Variants in KATNA1 observed in about 807,000 individuals in gnomAD.
KATNA1 encodes katanin p60 ATPase-containing subunit A1.
Under a neutral mutation model 62.6 loss-of-function variants are expected in KATNA1, and 42 were observed. The ratio of observed to expected loss-of-function variants is 0.67; its 90% CI spans 0.52 to 0.87. The LOEUF (loss-of-function observed/expected upper bound fraction) is 0.87. Ranked by LOEUF, KATNA1 falls within the 40% of genes least tolerant of loss-of-function variation. KATNA1 has a pLI of 0.00. For missense variants in KATNA1, 498 were observed against 612.5 expected, an observed-to-expected ratio of 0.81 and a Z score of 1.97; for synonymous variants, 186 against 201.9, an observed-to-expected ratio of 0.92 and a Z score of 0.67.
rs147521330 is a variant in KATNA1, at chr6:149,647,322, G to A, written c.-14+1147C>T. Reference sequence around the variant, plus strand: ...GCGGATCACAATGTCTGGAAATCGAGACCAGCCTGGCCAACATGGTGAAAC... The same window carrying A: ...GCGGATCACAATGTCTGGAAATCGAAACCAGCCTGGCCAACATGGTGAAAC... On this transcript the variant is annotated intron_variant, in intron 1 of 10. Transcript: ENST00000367411. 7.1e-3 allele frequency among the ~76,000 whole-genome samples: 1,082 copies of A among 151,788 alleles called. 12 individuals carry two copies. The highest frequency in any genetic ancestry group is 0.024 in the African/African-American group (995 of 41,448).
In KATNA1 at chr6:149,623,338, C is replaced by T. The variant is rs186877308; in HGVS notation, c.321-55G>A. On this transcript the variant is annotated intron_variant, in intron 3 of 10. Coordinates refer to ENST00000367411, the MANE Select transcript of KATNA1 (RefSeq NM_007044.4). ...AATCAACTCCACATATGGATGAACA[C>T]ACATACTGTGTAAGTTAAGAGTCTA... is the stretch of plus-strand genomic sequence containing the variant. 7.3e-4 allele frequency: 941 copies of T among 1,296,844 alleles called. 2 individuals carry two copies. In the Middle Eastern group the frequency reaches 9.7e-3, roughly 13 times the overall value. The allele number at this position is 1,296,844 out of a possible 1,614,324, so 80.3% of individuals were successfully genotyped here.
chr6:149,613,131 G>T (rs965890046), intron 4 of KATNA1, among the ~76,000 whole-genome samples: 1 of 124,022 alleles, frequency 8.1e-6, no homozygotes, highest in Non-Finnish European at 1.6e-5. Context: ...AGTGAGTGGG[G>T]ATCACGCCAC....
intron 2 of KATNA1, among the ~76,000 whole-genome samples, chr6:149,635,118 TA>T (rs1318572954): frequency 1.3e-5 from 2 of 151,498 alleles, no homozygotes; most frequent in African/African-American, 4.9e-5. Flanking sequence ...AACCCATCTC[TA>T]AAAAAAATAT....
intron 1 of KATNA1, among the ~76,000 whole-genome samples, chr6:149,641,543 A>G (rs1780291048): frequency 6.6e-6 from 1 of 152,288 alleles, no homozygotes; most frequent in Middle Eastern, 3.4e-3. Context: ...AAGTTGATCC[A>G]GAAAACAAGA....
intron 2 of KATNA1, among the ~76,000 whole-genome samples, chr6:149,636,867 C>G (rs1379046387): frequency 6.6e-6 from 1 of 151,814 alleles, no homozygotes; most frequent in African/African-American, 2.4e-5. Context: ...GTCTCGAACT[C>G]CTGACCTCAG....
chr6:149,630,584 C>T (rs999987818), intron 3 of KATNA1, among the ~76,000 whole-genome samples: 9 of 151,994 alleles, frequency 5.9e-5, no homozygotes, highest in Non-Finnish European at 1.0e-4. Context: ...GCCGAGATAG[C>T]GCCACTGCAC....
chr6:149,622,131 TG>T (rs1257764053), intron 4 of KATNA1, among the ~76,000 whole-genome samples: 7 of 111,098 alleles, frequency 6.3e-5, no homozygotes, highest in African/African-American at 1.6e-4. Flanking sequence ...GTGTTTTTTT[TG>T]TTTTTTTTTT....
chr6:149,600,713 A>C (rs774788188), intron 7 of KATNA1, among the ~76,000 whole-genome samples: 2 of 150,424 alleles, frequency 1.3e-5, no homozygotes, highest in Admixed American at 6.7e-5. Flanking sequence ...AAGCAAGAGG[A>C]TCACTTGAAC....
intron 1 of KATNA1, among the ~76,000 whole-genome samples, chr6:149,646,776 T>C (rs1780500781): frequency 6.6e-6 from 1 of 152,168 alleles, no homozygotes; most frequent in African/African-American, 2.4e-5. Context: ...AAAACGTAAT[T>C]TAAAAGTCAT....
Position 149,621,496 on chromosome 6 carries a change from AT to A in KATNA1, c.501+1606del, listed in dbSNP as rs747566712. ...ATGGTATGCCTGCCAAAAATGAATAATTTTTTTTTTTTTTGAGACTGAGTCT... is the reference window on the plus strand; with the variant it reads ...ATGGTATGCCTGCCAAAAATGAATAATTTTTTTTTTTTTGAGACTGAGTCT... On this transcript the variant is annotated intron_variant, in intron 4 of 10. Coordinates refer to ENST00000367411, the MANE Select transcript of KATNA1 (RefSeq NM_007044.4). Among the ~76,000 whole-genome samples the A allele has an allele frequency of 3.8e-3, 518 of 137,984 alleles. 3 individuals are homozygous for A. The highest frequency in any genetic ancestry group is 3.9e-3 in the Middle Eastern group (1 of 258). The allele number at this position is 137,984 out of a possible 152,430, so 90.5% of individuals were successfully genotyped here.
At chr6:149,629,081 C>A (rs1031081410) in intron 3 of KATNA1, among the ~76,000 whole-genome samples, 1 of 151,982 alleles carries the variant, frequency 6.6e-6, no homozygotes, top group Non-Finnish European at 1.5e-5. Flanking sequence ...TAACTTCCCA[C>A]CACCCCTCAG....
chr6:149,634,205 G>A (rs1042178096), intron 2 of KATNA1, among the ~76,000 whole-genome samples: 4 of 151,284 alleles, frequency 2.6e-5, no homozygotes, highest in African/African-American at 9.7e-5. Flanking sequence ...CCCAGGAGGC[G>A]GAAGTTGCAG....
intron 2 of KATNA1, among the ~76,000 whole-genome samples, chr6:149,637,196 T>C (rs906726494): frequency 1.3e-5 from 2 of 150,798 alleles, no homozygotes; most frequent in Non-Finnish European, 3.0e-5. Context: ...AGGATCACTT[T>C]AGCCTAAGAG....
chr6:149,616,146 G>C (rs1779159602), intron 4 of KATNA1, among the ~76,000 whole-genome samples: 1 of 152,178 alleles, frequency 6.6e-6, no homozygotes, highest in African/African-American at 2.4e-5. Context: ...GAATGGTTGT[G>C]ATGGCTGCAT....
chr6:149,627,254 C>T (rs1437087407), intron 3 of KATNA1, among the ~76,000 whole-genome samples: 4 of 151,396 alleles, frequency 2.6e-5, no homozygotes, highest in African/African-American at 9.8e-5. Flanking sequence ...TTTGGCTGGC[C>T]GTGGTGGCTC....
intron 4 of KATNA1, among the ~76,000 whole-genome samples, chr6:149,609,148 T>C (rs181609505): frequency 6.6e-4 from 101 of 152,246 alleles, no homozygotes; most frequent in African/African-American, 2.4e-3. Context: ...ATGAATGTAC[T>C]TGAAAGATTA....
intron 10 of KATNA1, among the ~76,000 whole-genome samples, chr6:149,596,700 A>G (rs1778328914): frequency 6.6e-6 from 1 of 151,830 alleles, no homozygotes; most frequent in African/African-American, 2.4e-5. Flanking sequence ...CAGCTTCCTG[A>G]GCAGGTGGGA....
At chr6:149,605,787 G>A (rs1416422516) in intron 4 of KATNA1, among the ~76,000 whole-genome samples, 1 of 151,212 alleles carries the variant, frequency 6.6e-6, no homozygotes, top group South Asian at 2.1e-4. Flanking sequence ...ATTTATTTTT[G>A]AGCTAGAGTC....
chr6:149,600,478 C>A (rs936572648), intron 7 of KATNA1, among the ~76,000 whole-genome samples: 3 of 151,828 alleles, frequency 2.0e-5, no homozygotes, highest in African/African-American at 7.3e-5. Flanking sequence ...ACTAAAAATA[C>A]AAAAATTAGC....
Sources: gnomAD v4.1 joint callset for allele counts (sites outside exome capture counted in the v4.1 genomes callset) on GRCh38, gnomAD v4.1.1 for gene constraint, MANE v1.5 for transcripts, NCBI Gene and HGNC (gene_info 2026-07-23, HGNC 2026-07-21) for gene names.